MICU1: variants seen among roughly 807,000 people sequenced by gnomAD.
The protein encoded by MICU1 is calcium uptake protein 1, mitochondrial.
A neutral mutation model predicts 56.8 loss-of-function variants in MICU1; 45 were observed. That is an observed-to-expected ratio of 0.79 (90% CI 0.62 to 1.02). The LOEUF is 1.02. Among genes scored for constraint, MICU1 ranks in the 50% least tolerant of loss-of-function variants. The pLI is 0.00. For synonymous variants in MICU1, 186 were observed against 195.1 expected, an observed-to-expected ratio of 0.95 and a Z score of 0.39; for missense variants, 504 against 587.1, an observed-to-expected ratio of 0.86 and a Z score of 1.46.
chr10:72,402,504 C>T lies in MICU1; in HGVS notation c.1180+5425G>A, dbSNP rs149100661. Among the ~76,000 whole-genome samples, 883 of 152,054 alleles carry T rather than the reference C, an allele frequency of 5.8e-3. 6 individuals are homozygous for T. Among genetic ancestry groups the T allele is most frequent in the African/African-American group, 0.02 (811 of 41,462 alleles). ...TAATTGGAGTATATATTCAGGGCAA[C>T]TTGAATCCATGCTACTGGGTTGCCG... On this transcript the variant is annotated intron_variant, in intron 10 of 11. Transcript: ENST00000361114.
chr10:72,586,725 G>A (rs988745462), intron 1 of MICU1, among the ~76,000 whole-genome samples: 1 of 151,548 alleles, frequency 6.6e-6, no homozygotes, highest in Non-Finnish European at 1.5e-5. Flanking sequence ...TAGACCTAAA[G>A]GCTCCTGGAA....
At chr10:72,474,115 G>A (rs1403565632) in intron 8 of MICU1, among the ~76,000 whole-genome samples, 3 of 151,778 alleles carry the variant, frequency 2.0e-5, no homozygotes, top group Non-Finnish European at 4.4e-5. Context: ...AATTAGCCGG[G>A]TGTGGTGGCA....
At chr10:72,564,756 A>G (rs1840385310) in intron 2 of MICU1, among the ~76,000 whole-genome samples, 1 of 152,042 alleles carries the variant, frequency 6.6e-6, no homozygotes, top group South Asian at 2.1e-4. Context: ...ACAGAGAAAG[A>G]GCTCCAAAAA....
intron 10 of MICU1, among the ~76,000 whole-genome samples, chr10:72,390,530 C>T (rs932986165): frequency 2.0e-5 from 3 of 152,032 alleles, no homozygotes; most frequent in African/African-American, 7.3e-5. Flanking sequence ...CATCATATTG[C>T]AGTATACAGT....
At chr10:72,462,311 G>A (rs1164274596) in intron 8 of MICU1, among the ~76,000 whole-genome samples, 1 of 149,320 alleles carries the variant, frequency 6.7e-6, no homozygotes, top group Non-Finnish European at 1.5e-5. Context: ...TGACCTCCTC[G>A]GACTCAGGTA....
intron 6 of MICU1, among the ~76,000 whole-genome samples, chr10:72,488,235 T>C (rs1420052865): frequency 1.3e-5 from 2 of 151,006 alleles, no homozygotes; most frequent in African/African-American, 4.9e-5. Context: ...AAATTGAATA[T>C]ATATAAGTTC....
chr10:72,621,581 A>G (rs916632935), intron 1 of MICU1, among the ~76,000 whole-genome samples: 5 of 152,200 alleles, frequency 3.3e-5, no homozygotes, highest in African/African-American at 1.2e-4. Flanking sequence ...CAAGTATTTA[A>G]TCATATCCAC....
chr10:72,481,241 A>T (rs1418449769), intron 6 of MICU1, among the ~76,000 whole-genome samples: 2 of 152,206 alleles, frequency 1.3e-5, no homozygotes, highest in African/African-American at 2.4e-5. Flanking sequence ...ACAGTATATG[A>T]TGTCAAGCGA....
chr10:72,408,150 A>G, intron 9 of MICU1, 113 bp from the exon 10 acceptor site: 4 of 643,130 alleles, frequency 6.2e-6, no homozygotes, highest in Non-Finnish European at 8.2e-6. Flanking sequence ...TGTCTAGAAC[A>G]GAAACTGAAT....
At chr10:72,576,573 A>T (rs557968459) in intron 1 of MICU1, among the ~76,000 whole-genome samples, 1 of 152,358 alleles carries the variant, frequency 6.6e-6, no homozygotes, top group African/African-American at 2.4e-5. Flanking sequence ...GCACAGGTTT[A>T]TGAGGTATAA....
At chr10:72,586,013 C>CTTTTTTTTTTTTTTTTTTTTTTTTTTT (rs71021511) in intron 1 of MICU1, among the ~76,000 whole-genome samples, 7 of 74,682 alleles carry the variant, frequency 9.4e-5, no homozygotes, top group African/African-American at 1.7e-4. Context: ...TTTTTTTTTT[C>CTTTTTTTTTTTTTTTTTTTTTTTTTTT]TTTTTTTTTT....
chr10:72,494,161 C>A (rs899595674), intron 6 of MICU1, among the ~76,000 whole-genome samples: 7 of 152,116 alleles, frequency 4.6e-5, no homozygotes, highest in Non-Finnish European at 1.0e-4. Flanking sequence ...AACTCTAGGA[C>A]AATTTAACCT....
intron 1 of MICU1, among the ~76,000 whole-genome samples, chr10:72,569,179 C>T (rs549983796): frequency 4.7e-5 from 6 of 128,800 alleles, no homozygotes; most frequent in East Asian, 4.5e-4. Flanking sequence ...ACTTTTAAAA[C>T]AATACATTTC....
In MICU1 at chr10:72,493,664, G is replaced by C. The variant is rs1024019109; in HGVS notation, c.652+14491C>G. Among the ~76,000 whole-genome samples the C allele has an allele frequency of 3.3e-5, 5 of 152,092 alleles. No homozygotes were observed. The East Asian group carries it at 5.8e-4, about 18-fold the overall frequency. On this transcript the variant is annotated intron_variant, in intron 6 of 11. Coordinates refer to ENST00000361114, the MANE Select transcript of MICU1 (RefSeq NM_001195518.2). Reference sequence around the variant, plus strand: ...GACATGGTTTCGCCATGTTGCCCAGGCTGGTCTTGATTGAACTACTGGGCT... The same window carrying C: ...GACATGGTTTCGCCATGTTGCCCAGCCTGGTCTTGATTGAACTACTGGGCT...
chr10:72,446,570 C>T (rs1326189863), intron 8 of MICU1, among the ~76,000 whole-genome samples: 1 of 152,088 alleles, frequency 6.6e-6, no homozygotes, highest in Non-Finnish European at 1.5e-5. Flanking sequence ...CTCAAGTGAT[C>T]CACCCGCCTC....
intron 6 of MICU1, among the ~76,000 whole-genome samples, chr10:72,489,690 G>C (rs1355362620): frequency 4.6e-5 from 7 of 151,968 alleles, no homozygotes; most frequent in Non-Finnish European, 1.5e-5. Context: ...CTGCTTTCAG[G>C]TACATTTTTC....
At chr10:72,445,029 C>A (rs911130709) in intron 8 of MICU1, among the ~76,000 whole-genome samples, 6 of 152,150 alleles carry the variant, frequency 3.9e-5, no homozygotes, top group African/African-American at 1.2e-4. Context: ...AGGCTGTGGG[C>A]TCTGCTACAA....
chr10:72,392,484 T>C (rs1264457043), intron 10 of MICU1, among the ~76,000 whole-genome samples: 2 of 152,064 alleles, frequency 1.3e-5, no homozygotes, highest in African/African-American at 2.4e-5. Flanking sequence ...GGCAGGAGAA[T>C]TTCTTGACCC....
At chr10:72,472,422 G>C (rs757728734) in intron 8 of MICU1, among the ~76,000 whole-genome samples, 1 of 152,096 alleles carries the variant, frequency 6.6e-6, no homozygotes, top group South Asian at 2.1e-4. Context: ...CTCTGTATGC[G>C]ATGAAGAAAA....
Sources: allele counts gnomAD v4.1 joint callset (sites outside exome capture counted in the v4.1 genomes callset), GRCh38; gene constraint gnomAD v4.1.1; transcripts MANE v1.5; gene names NCBI Gene and HGNC (gene_info 2026-07-23, HGNC 2026-07-21).